SH3KBP1: variants seen among roughly 807,000 people sequenced by gnomAD.
SH3KBP1 encodes SH3 domain-containing kinase-binding protein 1.
SH3KBP1 carries 8 observed loss-of-function variants against 50.1 expected under a neutral mutation model. The ratio of observed to expected loss-of-function variants is 0.16; its 90% CI spans 0.09 to 0.29. The LOEUF (loss-of-function observed/expected upper bound fraction) is 0.29, where lower values mean the gene tolerates loss of function less well. Among genes scored for constraint, SH3KBP1 ranks in the 10% least tolerant of loss-of-function variants. The pLI is 1.00. For synonymous variants in SH3KBP1, 227 were observed against 218.6 expected, an observed-to-expected ratio of 1.04 and a Z score of -0.34; for missense variants, 377 against 535.2, an observed-to-expected ratio of 0.70 and a Z score of 2.92.
At chrX:19,771,386 T>C (rs1386201076) in intron 2 of SH3KBP1, among the ~76,000 whole-genome samples, 1 of 111,573 alleles carries the variant, frequency 9.0e-6, no homozygotes, top group Non-Finnish European at 1.9e-5. Context: ...CTCAAAGCTA[T>C]GGGGAGGGTA....
At chrX:19,611,629 T>C (rs147036261) in intron 8 of SH3KBP1, among the ~76,000 whole-genome samples, 3,191 of 111,694 alleles carry the variant, frequency 0.029, 110 homozygotes, top group African/African-American at 0.098. Flanking sequence ...GCTGGGATTA[T>C]AGGTGTGAGC....
chrX:19,583,743 C>A, intron 12 of SH3KBP1, among the ~76,000 whole-genome samples: 1 of 105,186 alleles, frequency 9.5e-6, no homozygotes, highest in Non-Finnish European at 1.9e-5. Context: ...AATATAATTA[C>A]TAATTATAGT....
intron 1 of SH3KBP1, among the ~76,000 whole-genome samples, chrX:19,875,144 C>T (rs1005354601): frequency 6.3e-5 from 7 of 110,946 alleles, no homozygotes; most frequent in African/African-American, 2.3e-4. Flanking sequence ...CCTAAAAGCG[C>T]CAGACGATGT....
At chrX:19,836,090 C>A (rs1233705986) in intron 2 of SH3KBP1, 35 bp downstream of exon 2, 5 of 1,194,287 alleles carry the variant, frequency 4.2e-6, no homozygotes, top group Non-Finnish European at 5.7e-6. Flanking sequence ...AGAGCCCACA[C>A]AGGAGACAGG....
At chrX:19,819,853 T>C (rs948828536) in intron 2 of SH3KBP1, among the ~76,000 whole-genome samples, 5 of 111,748 alleles carry the variant, frequency 4.5e-5, no homozygotes, top group African/African-American at 1.6e-4. Flanking sequence ...TTTAGTGCTA[T>C]AAATTTTCCT....
At chrX:19,749,304 T>C (rs888397821) in intron 2 of SH3KBP1, among the ~76,000 whole-genome samples, 9 of 112,414 alleles carry the variant, frequency 8.0e-5, no homozygotes, top group African/African-American at 1.6e-4. Context: ...CTCAAAAGCA[T>C]TGAAAGCAGG....
At chrX:19,875,049 C>G (rs1182640571) in intron 1 of SH3KBP1, among the ~76,000 whole-genome samples, 1 of 111,005 alleles carries the variant, frequency 9.0e-6, no homozygotes, top group Non-Finnish European at 1.9e-5. Context: ...TGGAGCGCAT[C>G]TCTACCTCAG....
intron 6 of SH3KBP1, among the ~76,000 whole-genome samples, chrX:19,655,357 AG>A (rs1360427562): frequency 8.9e-6 from 1 of 111,842 alleles, no homozygotes; most frequent in Non-Finnish European, 1.9e-5. Flanking sequence ...AGATCTTTAA[AG>A]GGTTCAAAAT....
rs758486199 is a variant in SH3KBP1, at chrX:19,856,951, CTTTTTTTTTTTTTTTTTTTT to C, written c.5-20689_5-20670del. ...CTTTTCCCCTAGAGCTAATACTAGT[CTTTTTTTTTTTTTTTTTTTT>C]TTTTTTTTTTTTTTTGCTTAGTGGA... On this transcript the variant is annotated intron_variant, in intron 1 of 17. Transcript: ENST00000397821. Among the ~76,000 whole-genome samples, 70 of 20,055 alleles carry C rather than the reference CTTTTTTTTTTTTTTTTTTTT, an allele frequency of 3.5e-3. 1 individual carries two copies. The South Asian group carries it at 0.3, about 85-fold the overall frequency. 17.4% of individuals were successfully genotyped at this position (20,055 alleles called of 115,157 possible). A position where few individuals can be genotyped will look rare whatever the true frequency, so the allele number is the denominator to read the frequency against.
chrX:19,591,327 T>C (rs951552576), intron 11 of SH3KBP1, among the ~76,000 whole-genome samples: 11 of 112,121 alleles, frequency 9.8e-5, no homozygotes, highest in African/African-American at 3.6e-4. Context: ...TAAAAATGTG[T>C]GATCAATCAA....
At chrX:19,767,412 TTTTC>T (rs1158699967) in intron 2 of SH3KBP1, among the ~76,000 whole-genome samples, 5 of 112,706 alleles carry the variant, frequency 4.4e-5, no homozygotes, top group Non-Finnish European at 9.4e-5. Context: ...TGTGAGGTGA[TTTTC>T]TTTATTTATA....
At chrX:19,885,787 G>A (rs1330295668) in intron 1 of SH3KBP1, among the ~76,000 whole-genome samples, 1 of 111,378 alleles carries the variant, frequency 9.0e-6, no homozygotes, top group Non-Finnish European at 1.9e-5. Context: ...TTCTGCCAAT[G>A]AACTAAATCA....
At chrX:19,611,423 G>A (rs1270106099) in intron 8 of SH3KBP1, among the ~76,000 whole-genome samples, 6 of 111,213 alleles carry the variant, frequency 5.4e-5, no homozygotes, top group South Asian at 7.7e-4. Context: ...GCGTGATCTC[G>A]GCTCACTGCA....
intron 3 of SH3KBP1, among the ~76,000 whole-genome samples, chrX:19,735,730 G>GA (rs1199638065): frequency 1.4e-5 from 1 of 73,067 alleles, no homozygotes; most frequent in Non-Finnish European, 2.6e-5. Context: ...TTGGCGGGGG[G>GA]GGGGGGTGGG....
chrX:19,579,329 C>T (rs910024918), intron 12 of SH3KBP1, among the ~76,000 whole-genome samples: 1 of 111,607 alleles, frequency 9.0e-6, no homozygotes, highest in East Asian at 2.8e-4. Context: ...CCATAGACGT[C>T]GCCTGCAAAC....
chrX:19,545,909 G>C lies in SH3KBP1; in HGVS notation c.1623+13C>G, dbSNP rs765804424. 5.8e-6 allele frequency: 7 copies of C among 1,210,182 alleles called. 1 individual carries two copies. The South Asian group carries it at 1.1e-4, about 18-fold the overall frequency. ...AAATGACAGGGACACCCTCGCCATG[G>C]CTGGTGACTCACTTGGGATATGGTA... On this transcript the variant is annotated intron_variant, in intron 15 of 17. Transcript: ENST00000397821.
At chrX:19,653,353 A>T (rs2062175339) in intron 6 of SH3KBP1, among the ~76,000 whole-genome samples, 1 of 110,755 alleles carries the variant, frequency 9.0e-6, no homozygotes, top group Admixed American at 9.6e-5. Flanking sequence ...CTCCCACAAG[A>T]CTCAATTTTT....
intron 2 of SH3KBP1, among the ~76,000 whole-genome samples, chrX:19,768,281 G>A (rs1027677013): frequency 9.3e-6 from 1 of 107,691 alleles, no homozygotes; most frequent in Non-Finnish European, 1.9e-5. Flanking sequence ...TGGAAAGGGC[G>A]TGTGGGTGAC....
chrX:19,883,889 T>C (rs1481870515), intron 1 of SH3KBP1, among the ~76,000 whole-genome samples: 4 of 111,175 alleles, frequency 3.6e-5, no homozygotes, highest in African/African-American at 6.5e-5. Context: ...CAATCACAAA[T>C]TCCCCCTGGT....
Sources: gnomAD v4.1 joint callset for allele counts (sites outside exome capture counted in the v4.1 genomes callset) on GRCh38, gnomAD v4.1.1 for gene constraint, MANE v1.5 for transcripts, NCBI Gene and HGNC (gene_info 2026-07-23, HGNC 2026-07-21) for gene names.